MNAT1: variants seen among roughly 807,000 people sequenced by gnomAD.
The protein encoded by MNAT1 is CDK-activating kinase assembly factor MAT1.
In MNAT1, 43 loss-of-function variants were observed where a neutral mutation model predicts 42.0. The observed-to-expected ratio is 1.02, with a 90% CI of 0.80 to 1.32. MNAT1 has a LOEUF of 1.32. Ranked by LOEUF, MNAT1 falls within the 40% of genes most tolerant of loss-of-function variation. The pLI is 0.00. For synonymous variants in MNAT1, 118 were observed against 120.0 expected (o/e 0.98, Z 0.11); for missense variants, 306 against 350.4 (o/e 0.87, Z 1.01).
At chr14:60,963,147 A>G (rs1456417004) in intron 7 of MNAT1, among the ~76,000 whole-genome samples, 1 of 151,830 alleles carries the variant, frequency 6.6e-6, no homozygotes, top group Non-Finnish European at 1.5e-5. Flanking sequence ...ACGCCCGGCT[A>G]ATTTTTGTAT....
At chr14:60,926,634 A>G (rs1215558340) in intron 7 of MNAT1, among the ~76,000 whole-genome samples, 1 of 152,190 alleles carries the variant, frequency 6.6e-6, no homozygotes, top group Non-Finnish European at 1.5e-5. Flanking sequence ...CAGAGCTTCC[A>G]TGCCCTCTGA....
At chr14:60,877,737 G>A (rs146265115) in intron 6 of MNAT1, among the ~76,000 whole-genome samples, 42 of 152,076 alleles carry the variant, frequency 2.8e-4, no homozygotes, top group Middle Eastern at 3.4e-3. Flanking sequence ...CTATGCCCAC[G>A]TGGATGATAG....
intron 7 of MNAT1, among the ~76,000 whole-genome samples, chr14:60,944,258 T>C (rs1433514049): frequency 6.6e-6 from 1 of 152,222 alleles, no homozygotes; most frequent in South Asian, 2.1e-4. Context: ...TCAGAGATCG[T>C]AAGTTTCTAT....
intron 7 of MNAT1, among the ~76,000 whole-genome samples, chr14:60,890,098 T>G (rs1042523638): frequency 5.9e-5 from 9 of 152,224 alleles, no homozygotes; most frequent in African/African-American, 2.2e-4. Flanking sequence ...ATCCCATTAC[T>G]GGGTATATAC....
At chr14:60,895,272 TA>T (rs2034928725) in intron 7 of MNAT1, among the ~76,000 whole-genome samples, 1 of 152,200 alleles carries the variant, frequency 6.6e-6, no homozygotes, top group Admixed American at 6.5e-5. Flanking sequence ...ACTGTAGACC[TA>T]AAAATATATT....
chr14:60,796,393 T>A (rs776764637), intron 2 of MNAT1, 24 bp downstream of exon 2: 30 of 1,598,082 alleles, frequency 1.9e-5, no homozygotes, highest in Non-Finnish European at 2.5e-5. Context: ...CTCGAATGAT[T>A]CAGTCAACAA....
chr14:60,780,325 C>T (rs754716644), intron 1 of MNAT1: 20 of 1,563,564 alleles, frequency 1.3e-5, no homozygotes, highest in Non-Finnish European at 1.7e-5. Flanking sequence ...ACAGTGCACC[C>T]AGAGAAAAGT....
At chr14:60,890,149 C>G (rs1181037663) in intron 7 of MNAT1, among the ~76,000 whole-genome samples, 1 of 152,148 alleles carries the variant, frequency 6.6e-6, no homozygotes, top group Non-Finnish European at 1.5e-5. Flanking sequence ...GACACATGCA[C>G]ACATATGTTT....
chr14:60,835,587 G>A (rs1044357212), intron 6 of MNAT1, among the ~76,000 whole-genome samples: 4 of 152,188 alleles, frequency 2.6e-5, no homozygotes, highest in African/African-American at 9.7e-5. Context: ...CTTCTGGCTT[G>A]TAGGGTTTCT....
chr14:60,895,502 C>T (rs1429367156), intron 7 of MNAT1, among the ~76,000 whole-genome samples: 23 of 152,196 alleles, frequency 1.5e-4, no homozygotes, highest in Admixed American at 1.5e-3. Context: ...TTACAATGGT[C>T]TTTCCCCCAA....
intron 1 of MNAT1, among the ~76,000 whole-genome samples, chr14:60,750,395 C>A (rs2030028837): frequency 6.6e-6 from 1 of 151,468 alleles, no homozygotes; most frequent in African/African-American, 2.4e-5. Context: ...CCCGGCCAAT[C>A]TTTTTTGTAT....
At chr14:60,920,570 CCTGTAATCATTACAGGCCCACCA>C (rs2035636399) in intron 7 of MNAT1, among the ~76,000 whole-genome samples, 1 of 151,894 alleles carries the variant, frequency 6.6e-6, no homozygotes, top group Non-Finnish European at 1.5e-5. Context: ...CAGGTGCCCA[CCTGTAATCATTACAGGCCCACCA>C]CTGTGCCCAG....
chr14:60,852,166 C>T (rs145047286), intron 6 of MNAT1, among the ~76,000 whole-genome samples: 1 of 152,150 alleles, frequency 6.6e-6, no homozygotes, highest in Non-Finnish European at 1.5e-5. Flanking sequence ...TAAAAGTGTT[C>T]CTATTTCTCC....
chr14:60,753,621 G>A (rs867037506), intron 1 of MNAT1: 2 of 152,126 alleles, frequency 1.3e-5, no homozygotes, highest in Admixed American at 6.6e-5. Context: ...AGACACCATC[G>A]TTTCTGCTGC....
At chr14:60,956,442 G>A (rs774266212) in intron 7 of MNAT1, among the ~76,000 whole-genome samples, 5 of 152,168 alleles carry the variant, frequency 3.3e-5, no homozygotes, top group Non-Finnish European at 7.4e-5. Context: ...TTTGTAAAAT[G>A]TTCTTTGCAC....
At chr14:60,933,502 G>A (rs2035928937) in intron 7 of MNAT1, among the ~76,000 whole-genome samples, 1 of 152,054 alleles carries the variant, frequency 6.6e-6, no homozygotes, top group Non-Finnish European at 1.5e-5. Context: ...GAAAGTCACA[G>A]GTTAAATTCT....
intron 1 of MNAT1, among the ~76,000 whole-genome samples, chr14:60,770,262 T>C (rs1455095129): frequency 6.6e-6 from 1 of 152,224 alleles, no homozygotes; most frequent in Non-Finnish European, 1.5e-5. Context: ...TGTGACAGGA[T>C]TTCCTTTTTT....
intron 6 of MNAT1, among the ~76,000 whole-genome samples, chr14:60,840,896 C>A (rs1204605602): frequency 6.6e-6 from 1 of 152,056 alleles, no homozygotes; most frequent in Non-Finnish European, 1.5e-5. Context: ...ATTTCCTGAC[C>A]TCAGGTGATC....
intron 7 of MNAT1, among the ~76,000 whole-genome samples, chr14:60,924,459 A>AT (rs377644206): frequency 1.5e-4 from 23 of 150,304 alleles, no homozygotes; most frequent in African/African-American, 3.7e-4. Flanking sequence ...GTGGGGAAGC[A>AT]TTTTTTTTTC....
Sources: allele counts gnomAD v4.1 joint callset (sites outside exome capture counted in the v4.1 genomes callset), GRCh38; gene constraint gnomAD v4.1.1; transcripts MANE v1.5; gene names NCBI Gene and HGNC (gene_info 2026-07-23, HGNC 2026-07-21).